RYR1: variants seen among roughly 807,000 people sequenced by gnomAD.
The protein encoded by RYR1 is ryanodine receptor 1.
RYR1 carries 342 observed loss-of-function variants against 583.5 expected under a neutral mutation model. The observed-to-expected ratio is 0.59, with a 90% CI of 0.54 to 0.64. The LOEUF (loss-of-function observed/expected upper bound fraction) is 0.64, where lower values mean the gene tolerates loss of function less well. RYR1 is among the 30% of genes least tolerant of loss of function. The pLI is 0.00. For missense variants in RYR1, 6,032 were observed against 6,917.2 expected, an observed-to-expected ratio of 0.87 and a Z score of 4.54; for synonymous variants, 2,791 against 2,822.5, an observed-to-expected ratio of 0.99 and a Z score of 0.35.
Position 38,444,690 on chromosome 19 carries a change from G to T in RYR1, c.631+13G>T. ...CGCTGCGAAGAGGGTGAGGGCCCCA[G>T]ACCTCCCCCTAAATGGAGATCCCCC... is the stretch of plus-strand genomic sequence containing the variant. On this transcript the variant is annotated intron_variant, in intron 7 of 105. Coordinates refer to ENST00000359596, the MANE Select transcript of RYR1 (RefSeq NM_000540.3). The surrounding 1 kb of genome is among the most constrained non-coding windows in gnomAD (Gnocchi z 5.1). 6.3e-7 allele frequency: 1 copy of T among 1,592,856 alleles called. No individual in the cohort carries two copies. Among genetic ancestry groups the T allele is most frequent in the South Asian group, 1.1e-5 (1 of 90,084 alleles).
intron 82 of RYR1, 122 bp downstream of exon 82, chr19:38,536,192 C>T: frequency 2.4e-6 from 2 of 846,252 alleles, no homozygotes; most frequent in Admixed American, 2.1e-5. Flanking sequence ...CCCAAGGGCT[C>T]CCTCGGGTCC....
rs779304113 is a variant in RYR1 at position 38,548,192 on chromosome 19, G to A, written c.12095-41G>A. 1.1e-5 allele frequency: 18 copies of A among 1,612,080 alleles called. No individual in the cohort carries two copies. The South Asian group carries it at 2.0e-4, about 18-fold the overall frequency. ...AGGCAAGCCTGGTGGGGCCCCAGAA[G>A]GGAGTGTTCACCGGCCACACTGACC... On this transcript the variant is annotated intron_variant, in intron 88 of 105. Transcript: ENST00000359596.
rs758452433 is a variant in RYR1 at position 38,473,532 on chromosome 19, C to T, written c.3921C>T (p.Thr1307=). Residue 1307 remains threonine, a synonymous_variant, in exon 28 of 106, where the codon ACC becomes ACT. Transcript: ENST00000359596. ...ACTTCCGCTGCACTGCAGGGGCCAC[C>T]CCGCTGGCACCTCCTGGCCTGCAGC... ...HQHFRCTAGA[T]PLAPPGLQPP... The T allele has an allele frequency of 3.7e-6, 6 of 1,610,468 alleles. No individual in the cohort carries two copies. In the Admixed American group the frequency reaches 6.7e-5, roughly 18 times the overall value.
In RYR1 at chr19:38,499,047, C is replaced by A. The variant is rs1969975030; in HGVS notation, c.6892-61C>A. ...GGGCAGGGCAGGGCAGGGCAGAGGG[C>A]TGAGCCCCAGGAGGAAGGTGGCATG... On this transcript the variant is annotated intron_variant, in intron 42 of 105. Coordinates refer to ENST00000359596, the MANE Select transcript of RYR1 (RefSeq NM_000540.3). The surrounding 1 kb of genome is among the most constrained non-coding windows in gnomAD (Gnocchi z 7.3). The A allele has an allele frequency of 6.2e-6, 10 of 1,603,772 alleles. No individual in the cohort carries two copies. The East Asian group carries it at 2.2e-4, about 36-fold the overall frequency.
Position 38,580,899 on chromosome 19 carries a change from A to T in RYR1, c.14646+395A>T, listed in dbSNP as rs568022196. On this transcript the variant is annotated intron_variant, in intron 101 of 105. Coordinates refer to ENST00000359596, the MANE Select transcript of RYR1 (RefSeq NM_000540.3). ...TGGCAAGCTGATGCATGCCAGGCAC[A>T]TTTTTTTTTTTTTTTTTTGAGATGG... 3.4e-4 allele frequency among the ~76,000 whole-genome samples: 45 copies of T among 132,790 alleles called. 1 individual carries two copies. The highest frequency in any genetic ancestry group is 8.6e-4 in the Admixed American group (11 of 12,842). The allele number at this position is 132,790 out of a possible 152,430, so 87.1% of individuals were successfully genotyped here. A position where few individuals can be genotyped will look rare whatever the true frequency, so the allele number is the denominator to read the frequency against.
chr19:38,475,560 A>T (rs1968679639), intron 29 of RYR1, 110 bp downstream of exon 29: 1 of 1,324,758 alleles, frequency 7.5e-7, no homozygotes, highest in South Asian at 1.2e-5. Context: ...TACACTGGGG[A>T]CTCCCCAATA....
chr19:38,489,515 G>T, intron 35 of RYR1, 72 bp downstream of exon 35: 12 of 1,571,742 alleles, frequency 7.6e-6, no homozygotes, highest in Non-Finnish European at 1.0e-5. Context: ...TGGGATGTGA[G>T]TCTGGACTTC....
Position 38,502,495 on chromosome 19 carries a change from C to T in RYR1, c.7615-12C>T. On this transcript the variant is annotated splice_polypyrimidine_tract_variant and intron_variant, in intron 47 of 105. Transcript: ENST00000359596. ...TGTGCAGCGGGCCTGATGTCCTCAC[C>T]CTGCGCCCTAGGCCACTTTCAGCAC... 2.5e-6 allele frequency: 4 copies of T among 1,602,414 alleles called. No individual in the cohort carries two copies. The highest frequency in any genetic ancestry group is 3.4e-6 in the Non-Finnish European group (4 of 1,177,570).
intron 1 of RYR1, among the ~76,000 whole-genome samples, chr19:38,434,240 C>G (rs1402232399): frequency 6.6e-6 from 1 of 152,050 alleles, no homozygotes; most frequent in Non-Finnish European, 1.5e-5. Context: ...CCCCCACCCC[C>G]ACCTTAGCCC....
At chr19:38,493,985 C>G (rs1969680002) in intron 38 of RYR1, among the ~76,000 whole-genome samples, 1 of 152,000 alleles carries the variant, frequency 6.6e-6, no homozygotes, top group Non-Finnish European at 1.5e-5. Context: ...GTGAACAGAA[C>G]AGAGAGATTC....
rs770314420 is a variant in RYR1, at chr19:38,463,797, C to T, written c.2733C>T (p.Ser911=). ...ACCCGTGTCTTGTGGACTTCCACAG[C>T]CTTCCAGAGCCTGAGAGGAACTACA... ...RLHPCLVDFH[S]LPEPERNYNL... The change falls in exon 22 of 106, where the codon AGC becomes AGT. Residue 911 remains serine (S), a synonymous_variant. Transcript: ENST00000359596. 1 of 1,613,918 alleles carries T rather than the reference C, an allele frequency of 6.2e-7. No individual in the cohort carries two copies. Among genetic ancestry groups the T allele is most frequent in the African/African-American group, 1.3e-5 (1 of 74,856 alleles).
chr19:38,535,500 G>T, intron 81 of RYR1, 108 bp downstream of exon 81: 1 of 865,942 alleles, frequency 1.2e-6, no homozygotes, highest in Non-Finnish European at 2.0e-6. Flanking sequence ...CAGGGAAAGA[G>T]ACTCACTCAG....
At position 38,496,888 on chromosome 19, in the gene RYR1, G is replaced by T. The variant is rs1309777330; in HGVS notation, c.6825G>T (p.Val2275=). 5 of 1,613,444 alleles carry T rather than the reference G, an allele frequency of 3.1e-6. No homozygotes were observed. Among genetic ancestry groups the T allele is most frequent in the Non-Finnish European group, 4.2e-6 (5 of 1,179,996 alleles). ...TGCAGGGCTCCACGCCCCTGGACGT[G>T]GCTGCTGCCTCCGTCATTGACAACA... ...LGMQGSTPLD[V]AAASVIDNNE... The change falls in exon 42 of 106, where the codon GTG becomes GTT. Residue 2275 remains valine, a synonymous_variant. Coordinates refer to ENST00000359596, the MANE Select transcript of RYR1 (RefSeq NM_000540.3). The surrounding 1 kb of genome is among the most constrained non-coding windows in gnomAD (Gnocchi z 4.8).
At chr19:38,443,854 G>C in intron 5 of RYR1, 58 bp downstream of exon 5, 1 of 1,516,332 alleles carries the variant, frequency 6.6e-7, no homozygotes, top group Admixed American at 1.7e-5. Context: ...GATTCAGGGG[G>C]TAGAAGGTCT....
chr19:38,561,501 C>T lies in RYR1; in HGVS notation c.12624+47C>T, dbSNP rs1197145627. On this transcript the variant is annotated intron_variant, in intron 90 of 105. Coordinates refer to ENST00000359596, the MANE Select transcript of RYR1 (RefSeq NM_000540.3). The surrounding 1 kb of genome is among the most constrained non-coding windows in gnomAD (Gnocchi z 4.8). ...CAAGCTCGCCTCCTGGGGCTTCGGG[C>T]ATGCGGGTGCTCACTTCCTGCACCC... is the stretch of plus-strand genomic sequence containing the variant. The T allele has an allele frequency of 6.4e-7, 1 of 1,551,906 alleles. No individual in the cohort carries two copies. The highest frequency in any genetic ancestry group is 1.2e-5 in the South Asian group (1 of 85,524).
chr19:38,564,708 G>C (rs1369709825), intron 90 of RYR1, among the ~76,000 whole-genome samples: 3 of 152,062 alleles, frequency 2.0e-5, no homozygotes, highest in Non-Finnish European at 4.4e-5. Flanking sequence ...AGAGACGGGG[G>C]TTTCACCATG....
chr19:38,538,505 G>GCCAAAAATCAATTTGC (rs1310599862), intron 84 of RYR1: 6 of 154,676 alleles, frequency 3.9e-5, no homozygotes, highest in Admixed American at 3.8e-4. Context: ...AACCAATTTG[G>GCCAAAAATCAATTTGC]CCAAAAATCA....
intron 72 of RYR1, among the ~76,000 whole-genome samples, chr19:38,527,289 T>A (rs1347954823): frequency 6.6e-6 from 1 of 151,988 alleles, no homozygotes; most frequent in African/African-American, 2.4e-5. Context: ...GGCGGGCAGA[T>A]CACCTGAGGT....
chr19:38,481,334 C>A (rs747174594), intron 31 of RYR1, among the ~76,000 whole-genome samples: 4 of 152,038 alleles, frequency 2.6e-5, no homozygotes, highest in Non-Finnish European at 5.9e-5. Flanking sequence ...GCCATGTTGC[C>A]CAGGCCAGTC....
Sources: allele counts gnomAD v4.1 joint callset (sites outside exome capture counted in the v4.1 genomes callset), GRCh38; gene constraint gnomAD v4.1.1; non-coding constraint Gnocchi (gnomAD v3.1); transcripts MANE v1.5; gene names NCBI Gene and HGNC (gene_info 2026-07-23, HGNC 2026-07-21).